Variants in TEKT5 observed in about 807,000 individuals in gnomAD.
TEKT5 encodes tektin 5.
Under a neutral mutation model 48.7 loss-of-function variants are expected in TEKT5, and 52 were observed. The observed-to-expected ratio is 1.07, with a 90% CI of 0.86 to 1.35. TEKT5 has a LOEUF of 1.35. Ranked by LOEUF, TEKT5 falls within the 40% of genes most tolerant of loss-of-function variation. The probability of loss-of-function intolerance (pLI) is 0.00; values close to 1 mark genes in which losing one functional copy is unlikely to be tolerated. For synonymous variants in TEKT5, 318 were observed against 267.6 expected (o/e 1.19, Z -1.84); for missense variants, 831 against 641.6 (o/e 1.30, Z -3.19).
rs1482454002 is a variant in TEKT5 at position 10,652,722 on chromosome 16, CA to C, written c.1087-16805del. 1.3e-4 allele frequency among the ~76,000 whole-genome samples: 14 copies of C among 104,324 alleles called. 2 individuals are homozygous for C. Among genetic ancestry groups the C allele is most frequent in the South Asian group, 7.4e-4 (2 of 2,716 alleles). The allele number at this position is 104,324 out of a possible 152,430, so 68.4% of individuals were successfully genotyped here. On this transcript the variant is annotated intron_variant, in intron 5 of 6. Transcript: ENST00000283025. ...ACACACACACACACACACACACACA[CA>C]CCCTCCAGGCCAGGTAGAGTGATCC...
chr16:10,694,272 GGACAC>G, intron 1 of TEKT5, 33 bp downstream of exon 1: 1 of 1,517,884 alleles, frequency 6.6e-7, no homozygotes, highest in South Asian at 1.3e-5. Flanking sequence ...AGTATCCCCA[GGACAC>G]AGCCACAGCC....
At chr16:10,647,870 T>C (rs1898095241) in intron 5 of TEKT5, among the ~76,000 whole-genome samples, 1 of 152,266 alleles carries the variant, frequency 6.6e-6, no homozygotes, top group South Asian at 2.1e-4. Flanking sequence ...AGCACTGTTC[T>C]AGGCAGTGGA....
chr16:10,684,877 G>A (rs1328086009), intron 3 of TEKT5, among the ~76,000 whole-genome samples: 1 of 152,152 alleles, frequency 6.6e-6, no homozygotes, highest in Non-Finnish European at 1.5e-5. Context: ...GTGCAGCAAG[G>A]ACCCCACCCT....
intron 5 of TEKT5, among the ~76,000 whole-genome samples, chr16:10,643,603 C>A (rs1453996971): frequency 6.6e-6 from 1 of 152,256 alleles, no homozygotes; most frequent in East Asian, 1.9e-4. Context: ...AAGCACGTAA[C>A]ATGCACCAGA....
chr16:10,645,327 T>C (rs149338591), intron 5 of TEKT5, among the ~76,000 whole-genome samples: 90 of 151,816 alleles, frequency 5.9e-4, no homozygotes, highest in East Asian at 1.2e-3. Context: ...CTGGGCAACA[T>C]AGTGAAAACC....
chr16:10,677,255 AG>A lies in TEKT5; in HGVS notation c.864-1075del, dbSNP rs1898663456. Among the ~76,000 whole-genome samples, 3 of 97,438 alleles carry A rather than the reference AG, an allele frequency of 3.1e-5. 1 individual carries two copies. In the South Asian group the frequency reaches 9.9e-4, roughly 32 times the overall value. The allele number at this position is 97,438 out of a possible 152,430, so 63.9% of individuals were successfully genotyped here. On this transcript the variant is annotated intron_variant, in intron 4 of 6. Transcript: ENST00000283025. ...GGAGTGGTGTCATTATGTGTTGGTC[AG>A]GGTTGTAAACGGGAATAGATGGAAT...
intron 3 of TEKT5, among the ~76,000 whole-genome samples, chr16:10,683,290 G>C (rs1447362748): frequency 6.6e-6 from 1 of 152,180 alleles, no homozygotes; most frequent in Non-Finnish European, 1.5e-5. Flanking sequence ...GGTGGAGTCA[G>C]GGGCTACGTG....
intron 3 of TEKT5, among the ~76,000 whole-genome samples, chr16:10,683,221 G>A (rs150145408): frequency 9.5e-6 from 1 of 105,222 alleles, no homozygotes; most frequent in Non-Finnish European, 1.9e-5. Flanking sequence ...AACATCACAC[G>A]TGCCAACACA....
chr16:10,660,804 G>C (rs1330595203), intron 5 of TEKT5, among the ~76,000 whole-genome samples: 1 of 151,970 alleles, frequency 6.6e-6, no homozygotes, highest in African/African-American at 2.4e-5. Flanking sequence ...GGGTTCAAGA[G>C]ATTCTCCTTC....
chr16:10,651,729 G>A (rs1898163179), intron 5 of TEKT5, among the ~76,000 whole-genome samples: 2 of 152,204 alleles, frequency 1.3e-5, no homozygotes, highest in Admixed American at 6.5e-5. Flanking sequence ...GGAGGCCGAG[G>A]TGGGAGGATC....
At chr16:10,646,099 C>T (rs975821083) in intron 5 of TEKT5, among the ~76,000 whole-genome samples, 5 of 151,116 alleles carry the variant, frequency 3.3e-5, no homozygotes, top group African/African-American at 1.2e-4. Context: ...CACTGTACTG[C>T]ATTCTAGCCT....
intron 6 of TEKT5, among the ~76,000 whole-genome samples, chr16:10,634,663 G>A (rs1897888095): frequency 6.6e-6 from 1 of 152,138 alleles, no homozygotes; most frequent in South Asian, 2.1e-4. Flanking sequence ...CCATGGTTAG[G>A]TTACAAAAGA....
At chr16:10,679,048 C>T (rs984988230) in intron 4 of TEKT5, among the ~76,000 whole-genome samples, 1 of 152,120 alleles carries the variant, frequency 6.6e-6, no homozygotes, top group Admixed American at 6.5e-5. Flanking sequence ...TTGAGCCAAT[C>T]GATTCACCTC....
intron 5 of TEKT5, among the ~76,000 whole-genome samples, chr16:10,638,490 A>C (rs1168593960): frequency 2.0e-5 from 3 of 152,236 alleles, no homozygotes; most frequent in African/African-American, 7.2e-5. Flanking sequence ...TGAGAAGCCT[A>C]GAAATGAGGC....
chr16:10,671,577 T>C (rs1227509642), intron 5 of TEKT5: 1 of 152,236 alleles, frequency 6.6e-6, no homozygotes, highest in African/African-American at 2.4e-5. Flanking sequence ...ATGAAGTCCA[T>C]AGAGTAGTCA....
chr16:10,664,481 G>C (rs957884472), intron 5 of TEKT5, among the ~76,000 whole-genome samples: 69 of 152,240 alleles, frequency 4.5e-4, no homozygotes, highest in African/African-American at 1.6e-3. Context: ...CACACTTTAA[G>C]AACCACTGGT....
At chr16:10,683,371 G>A (rs1324029343) in intron 3 of TEKT5, among the ~76,000 whole-genome samples, 1 of 38,150 alleles carries the variant, frequency 2.6e-5, no homozygotes, top group African/African-American at 7.1e-5. Context: ...ATTGGGTAGG[G>A]TTGGGGCTGG....
In TEKT5 at chr16:10,631,144, T is replaced by A. The variant is rs948189303; in HGVS notation, c.1242-3345A>T. Among the ~76,000 whole-genome samples, 12 of 148,102 alleles carry A rather than the reference T, an allele frequency of 8.1e-5. No homozygotes were observed. The Admixed American group carries it at 8.2e-4, about 10-fold the overall frequency. On this transcript the variant is annotated intron_variant, in intron 6 of 6. Coordinates refer to ENST00000283025, the MANE Select transcript of TEKT5 (RefSeq NM_144674.2). ...GGTGGCAGGTGCCTGTAATCCCAGA[T>A]ACTCGGGAGGCTGAGGCAGGAGAAT...
intron 5 of TEKT5, among the ~76,000 whole-genome samples, chr16:10,645,281 G>A (rs1211224674): frequency 6.6e-6 from 1 of 152,138 alleles, no homozygotes; most frequent in African/African-American, 2.4e-5. Flanking sequence ...AGGCTGAGGT[G>A]GGAGGATTGC....
Sources: allele counts gnomAD v4.1 joint callset (sites outside exome capture counted in the v4.1 genomes callset), GRCh38; gene constraint gnomAD v4.1.1; transcripts MANE v1.5; gene names NCBI Gene and HGNC (gene_info 2026-07-23, HGNC 2026-07-21).